Variants in RANBP2 observed in about 807,000 individuals in gnomAD.
The protein encoded by RANBP2 is RAN binding protein 2.
RANBP2 carries 57 observed loss-of-function variants against 303.6 expected under a neutral mutation model. The observed-to-expected ratio is 0.19, with a 90% CI of 0.15 to 0.23. The LOEUF (loss-of-function observed/expected upper bound fraction) is 0.23, where lower values mean the gene tolerates loss of function less well. Among genes scored for constraint, RANBP2 ranks in the 10% least tolerant of loss-of-function variants. The pLI, the probability that RANBP2 is intolerant of heterozygous loss-of-function variation, is 1.00. For missense variants in RANBP2, 3,138 were observed against 3,780.8 expected, an observed-to-expected ratio of 0.83 and a Z score of 4.46; for synonymous variants, 1,167 against 1,301.5, an observed-to-expected ratio of 0.90 and a Z score of 2.23.
chr2:109,680,466 G>A, the RANBP2 span, among the ~76,000 whole-genome samples: 1 of 152,124 alleles, frequency 6.6e-6, no homozygotes, highest in East Asian at 1.9e-4. Flanking sequence ...AAATAATTAA[G>A]CTGGAAACTC....
intron 6 of RANBP2, among the ~76,000 whole-genome samples, chr2:108,738,681 T>TGCAA (rs1467890897): frequency 1.4e-5 from 2 of 148,146 alleles, no homozygotes; most frequent in Non-Finnish European, 3.0e-5. Flanking sequence ...CAGGCTAGAG[T>TGCAA]GCAACAGTGT....
the RANBP2 span, among the ~76,000 whole-genome samples, chr2:109,149,338 T>C: frequency 0.69 from 104,402 of 152,180 alleles, 36,746 homozygotes; most frequent in Non-Finnish European, 0.72. Flanking sequence ...TGAGCTCCTC[T>C]ACTCCATTTA....
At chr2:109,547,005 T>TAGGCGC in the RANBP2 span, among the ~76,000 whole-genome samples, 1 of 152,188 alleles carries the variant, frequency 6.6e-6, no homozygotes, top group African/African-American at 2.4e-5. Flanking sequence ...GACCTCCCTT[T>TAGGCGC]AGGCGCCTAA....
the RANBP2 span, among the ~76,000 whole-genome samples, chr2:109,610,475 G>A: frequency 6.6e-6 from 1 of 152,202 alleles, no homozygotes; most frequent in Non-Finnish European, 1.5e-5. Context: ...AACACTTCGG[G>A]AGACTGAGAC....
the RANBP2 span, among the ~76,000 whole-genome samples, chr2:109,070,934 G>A: frequency 6.6e-6 from 1 of 152,040 alleles, no homozygotes; most frequent in Admixed American, 6.5e-5. Flanking sequence ...TGTGGGGCAC[G>A]GGCTGCTCCT....
At chr2:108,795,175 G>A in the RANBP2 span, among the ~76,000 whole-genome samples, 10 of 27,988 alleles carry the variant, frequency 3.6e-4, no homozygotes, top group East Asian at 2.1e-3. Context: ...TTTTTTTTGC[G>A]ATGGAATCTT....
chr2:109,051,174 T>A, the RANBP2 span, among the ~76,000 whole-genome samples: 119 of 152,344 alleles, frequency 7.8e-4, no homozygotes, highest in Admixed American at 1.0e-3. Flanking sequence ...TAGAACATCT[T>A]CAACAAATTT....
chr2:109,015,478 C>T, the RANBP2 span, among the ~76,000 whole-genome samples: 1 of 152,130 alleles, frequency 6.6e-6, no homozygotes, highest in Non-Finnish European at 1.5e-5. Context: ...AGTATATAGG[C>T]CGGGCACAGT....
the RANBP2 span, among the ~76,000 whole-genome samples, chr2:109,763,238 C>T: frequency 6.7e-6 from 1 of 150,078 alleles, no homozygotes; most frequent in Non-Finnish European, 1.5e-5. Context: ...TTGCTGAACA[C>T]GTATTATTTA....
chr2:109,008,891 T>A, the RANBP2 span, among the ~76,000 whole-genome samples: 29,371 of 146,366 alleles, frequency 0.2, 3,008 homozygotes, highest in Middle Eastern at 0.34. Context: ...AGAGCAAGAT[T>A]CCATCTCAAA....
the RANBP2 span, among the ~76,000 whole-genome samples, chr2:109,371,262 C>A: frequency 1.3e-5 from 2 of 152,204 alleles, no homozygotes; most frequent in East Asian, 1.9e-4. Context: ...TGGTGGCACA[C>A]GCCTGTAATC....
the RANBP2 span, among the ~76,000 whole-genome samples, chr2:109,601,594 A>G: frequency 4.6e-5 from 7 of 152,184 alleles, no homozygotes; most frequent in African/African-American, 1.7e-4. Flanking sequence ...TGTTTCTCTT[A>G]TTAGTAAGAG....
chr2:109,027,242 C>CAA, the RANBP2 span, among the ~76,000 whole-genome samples: 3,243 of 80,920 alleles, frequency 0.04, 134 homozygotes, highest in Admixed American at 0.075. Flanking sequence ...GGCTCTGTCT[C>CAA]AAAAAAAAAA....
At chr2:109,265,296 A>G in the RANBP2 span, among the ~76,000 whole-genome samples, 1 of 152,200 alleles carries the variant, frequency 6.6e-6, no homozygotes. Flanking sequence ...TGTGTTCGCC[A>G]ACTGCTGGAG....
At chr2:109,100,070 C>A in the RANBP2 span, among the ~76,000 whole-genome samples, 11 of 152,166 alleles carry the variant, frequency 7.2e-5, no homozygotes, top group Admixed American at 7.2e-4. Context: ...AAATAGTGTT[C>A]AACCTATCAA....
At chr2:108,976,385 C>T in the RANBP2 span, among the ~76,000 whole-genome samples, 2 of 152,208 alleles carry the variant, frequency 1.3e-5, no homozygotes, top group Non-Finnish European at 2.9e-5. Context: ...CATGAAGGGT[C>T]CATGCTACCA....
the RANBP2 span, among the ~76,000 whole-genome samples, chr2:109,674,764 T>C: frequency 6.6e-6 from 1 of 152,146 alleles, no homozygotes; most frequent in Non-Finnish European, 1.5e-5. Context: ...CATTTCCTCT[T>C]CCCTCCTCTC....
At chr2:108,879,659 C>T in the RANBP2 span, among the ~76,000 whole-genome samples, 2 of 151,978 alleles carry the variant, frequency 1.3e-5, no homozygotes, top group Non-Finnish European at 2.9e-5. Flanking sequence ...CTCATAATAA[C>T]TTTGTGAGAT....
the RANBP2 span, among the ~76,000 whole-genome samples, chr2:109,045,565 A>G: frequency 6.6e-6 from 1 of 152,126 alleles, no homozygotes; most frequent in Non-Finnish European, 1.5e-5. Context: ...AGGTGCAAGC[A>G]AACAGAGACC....
Sources: allele counts gnomAD v4.1 joint callset (sites outside exome capture counted in the v4.1 genomes callset), GRCh38; gene constraint gnomAD v4.1.1; transcripts MANE v1.5; gene names NCBI Gene and HGNC (gene_info 2026-07-23, HGNC 2026-07-21).